The following LYST variants were observed in gnomAD, a reference collection of about 807,000 sequenced individuals.
LYST encodes the protein lysosomal trafficking regulator.
A neutral mutation model predicts 413.6 loss-of-function variants in LYST; 192 were observed. The observed-to-expected ratio is 0.46, with a 90% CI of 0.41 to 0.52. The LOEUF (loss-of-function observed/expected upper bound fraction) is 0.52. Ranked by LOEUF, LYST falls within the 20% of genes least tolerant of loss-of-function variation. The probability of loss-of-function intolerance (pLI) is 0.00; values close to 1 mark genes in which losing one functional copy is unlikely to be tolerated. For synonymous variants in LYST, 1,525 were observed against 1,567.3 expected (o/e 0.97, Z 0.64); for missense variants, 3,815 against 4,499.9 (o/e 0.85, Z 4.35).
intron 4 of LYST, 139 bp from the exon 5 acceptor site, chr1:235,810,673 T>G: frequency 1.4e-6 from 1 of 716,098 alleles, no homozygotes; most frequent in Non-Finnish European, 2.4e-6. Context: ...CTGATTTCCT[T>G]CATTTATGTC....
chr1:235,853,138 C>T (rs1054694530), intron 1 of LYST: 1 of 170,302 alleles, frequency 5.9e-6, no homozygotes, highest in African/African-American at 2.4e-5. Context: ...AGATGTTTTA[C>T]AGCTTTGTTA....
chr1:235,872,167 A>G (rs772450832), intron 1 of LYST, among the ~76,000 whole-genome samples: 15 of 152,030 alleles, frequency 9.9e-5, no homozygotes, highest in Non-Finnish European at 1.9e-4. Flanking sequence ...ATAGTGGCAC[A>G]TGCATGTAGT....
chr1:235,744,757 C>T (rs764135647), intron 29 of LYST, among the ~76,000 whole-genome samples: 25 of 151,698 alleles, frequency 1.6e-4, no homozygotes, highest in Admixed American at 3.9e-4. Context: ...AAAAATTAGC[C>T]GGGCATGGGG....
At chr1:235,731,446 G>T (rs182640785) in intron 34 of LYST, among the ~76,000 whole-genome samples, 1 of 152,014 alleles carries the variant, frequency 6.6e-6, no homozygotes, top group East Asian at 1.9e-4. Flanking sequence ...TTTTTTAAAA[G>T]ATATGTAATG....
In LYST at chr1:235,753,081, A is replaced by T. The variant is rs755294712; in HGVS notation, c.7423T>A (p.Cys2475Ser). 2 of 1,600,970 alleles carry T rather than the reference A, an allele frequency of 1.2e-6. No homozygotes were observed. The highest frequency in any genetic ancestry group is 2.2e-5 in the East Asian group (1 of 44,666). The stretch of plus-strand genomic sequence containing the variant: ...CCATTCAGGGCTGCTACTGTATTAC[A>T]TAACACATAGAGTAGACCATTATCC... ...LLDNGLLYVL[C>S]NTVAALNGLE... Residue 2475 changes from cysteine to serine, a missense_variant, in exon 26 of 53, where the codon TGT becomes AGT. This residue lies in a region of LYST where 771 missense variants were observed against 837.1 expected (regional missense o/e 0.92). Transcript: ENST00000389793.
chr1:235,770,110 T>C (rs1436125862), intron 20 of LYST, 50 bp downstream of exon 20: 4 of 1,588,910 alleles, frequency 2.5e-6, no homozygotes, highest in Non-Finnish European at 3.5e-6. Context: ...CATAGTATTA[T>C]TAAACAACTG....
intron 45 of LYST, among the ~76,000 whole-genome samples, chr1:235,698,747 C>A (rs932019461): frequency 1.3e-5 from 2 of 152,014 alleles, no homozygotes; most frequent in Non-Finnish European, 2.9e-5. Flanking sequence ...GTGGCGGGTG[C>A]CTGCAGTCCC....
intron 1 of LYST, among the ~76,000 whole-genome samples, chr1:235,843,191 G>A (rs1218581442): frequency 6.6e-6 from 1 of 151,614 alleles, no homozygotes; most frequent in East Asian, 1.9e-4. Flanking sequence ...TGATAAGAAG[G>A]GAAAGGGGTC....
chr1:235,663,374 A>G (rs1053757629), intron 52 of LYST, among the ~76,000 whole-genome samples: 3 of 152,216 alleles, frequency 2.0e-5, no homozygotes, highest in Non-Finnish European at 4.4e-5. Flanking sequence ...TTTATTACAT[A>G]AACAACAAAT....
At chr1:235,822,633 G>GAATAATAATAATAATAAT (rs1026580091) in intron 3 of LYST, among the ~76,000 whole-genome samples, 1 of 152,088 alleles carries the variant, frequency 6.6e-6, no homozygotes, top group Non-Finnish European at 1.5e-5. Context: ...AGTGTAGGAG[G>GAATAATAATAATAATAAT]AATAATAATA....
At chr1:235,692,946 G>A (rs919694424) in intron 47 of LYST, among the ~76,000 whole-genome samples, 1 of 151,996 alleles carries the variant, frequency 6.6e-6, no homozygotes, top group African/African-American at 2.4e-5. Flanking sequence ...ACTTGAGTCT[G>A]GGAGGTGGAG....
intron 28 of LYST, chr1:235,747,239 G>A (rs1043804135): frequency 2.2e-5 from 10 of 453,544 alleles, no homozygotes; most frequent in Non-Finnish European, 4.0e-5. Context: ...TGATTTAATG[G>A]ACCGAAGGAG....
intron 31 of LYST, among the ~76,000 whole-genome samples, chr1:235,739,573 A>C (rs1349096037): frequency 6.6e-6 from 1 of 151,848 alleles, no homozygotes; most frequent in South Asian, 2.1e-4. Flanking sequence ...TCCAAGTGTC[A>C]TACTAACTAA....
chr1:235,767,451 T>C (rs1668254225), intron 20 of LYST, among the ~76,000 whole-genome samples: 1 of 152,058 alleles, frequency 6.6e-6, no homozygotes, highest in African/African-American at 2.4e-5. Flanking sequence ...GGAACATAGA[T>C]CTCCCGACTT....
At chr1:235,699,617 T>C (rs1251506213) in intron 45 of LYST, among the ~76,000 whole-genome samples, 36 of 152,202 alleles carry the variant, frequency 2.4e-4, no homozygotes, top group Non-Finnish European at 8.8e-5. Context: ...CTGAGTCAAA[T>C]GGTACTTCTG....
Position 235,664,195 on chromosome 1 carries a change from C to G in LYST, c.11196-140G>C. The G allele has an allele frequency of 1.3e-6, 1 of 774,584 alleles. No homozygotes were observed. The highest frequency in any genetic ancestry group is 2.2e-6 in the Non-Finnish European group (1 of 448,264). 48.0% of individuals were successfully genotyped at this position (774,584 alleles called of 1,614,324 possible). A position where few individuals can be genotyped will look rare whatever the true frequency, so the allele number is the denominator to read the frequency against. On this transcript the variant is annotated intron_variant, in intron 51 of 52. Transcript: ENST00000389793. The surrounding 1 kb of genome is among the most constrained non-coding windows in gnomAD (Gnocchi z 4.5). ...ACAGTAGTTCCCTCTAGGGAGTTTG[C>G]AGGGGGTAGATGTGGGAATAAGAGA...
At chr1:235,741,383 CA>C (rs748467127) in intron 31 of LYST, 38 bp downstream of exon 31, 43 of 1,484,590 alleles carry the variant, frequency 2.9e-5, no homozygotes, top group Non-Finnish European at 4.0e-5. Flanking sequence ...TGTATTTCAC[CA>C]AACGTTTTAC....
intron 46 of LYST, among the ~76,000 whole-genome samples, chr1:235,695,557 G>A (rs1661028354): frequency 1.3e-5 from 2 of 151,936 alleles, no homozygotes; most frequent in African/African-American, 4.8e-5. Context: ...ACATGCTTAA[G>A]TCCCATAATG....
intron 31 of LYST, among the ~76,000 whole-genome samples, chr1:235,739,608 GA>G (rs755998933): frequency 0.055 from 5,250 of 96,312 alleles, 134 homozygotes; most frequent in African/African-American, 0.13. Flanking sequence ...CTTGAACAGT[GA>G]AAAAAAAAAA....
Sources: allele counts gnomAD v4.1 joint callset (sites outside exome capture counted in the v4.1 genomes callset), GRCh38; gene constraint gnomAD v4.1.1; regional missense constraint gnomAD v4.1.1; non-coding constraint Gnocchi (gnomAD v3.1); transcripts MANE v1.5; gene names NCBI Gene and HGNC (gene_info 2026-07-23, HGNC 2026-07-21).